GALNT10: variants seen among roughly 807,000 people sequenced by gnomAD.
GALNT10 encodes the protein GalNAc transferase 10.
In GALNT10, 41 loss-of-function variants were observed where a neutral mutation model predicts 75.0. The ratio of observed to expected loss-of-function variants is 0.55; its 90% CI spans 0.43 to 0.71. The LOEUF (loss-of-function observed/expected upper bound fraction) is 0.71, where lower values mean the gene tolerates loss of function less well. GALNT10 is among the 30% of genes least tolerant of loss of function. The pLI is 0.00. For missense variants in GALNT10, 727 were observed against 818.5 expected, an observed-to-expected ratio of 0.89 and a Z score of 1.36; for synonymous variants, 302 against 313.0, an observed-to-expected ratio of 0.96 and a Z score of 0.37.
rs150401426 is a variant in GALNT10 at position 154,394,970 on chromosome 5, A to T, written c.1056+8540A>T. Among the ~76,000 whole-genome samples the T allele has an allele frequency of 3.0e-3, 449 of 151,984 alleles. 2 individuals carry two copies. Among genetic ancestry groups the T allele is most frequent in the African/African-American group, 0.01 (427 of 41,414 alleles). ...AAACAGGGAAGGCATTCTGCTCATG[A>T]CTCTCGGCAAGTCATTTGAAATTCC... On this transcript the variant is annotated intron_variant, in intron 7 of 11. Coordinates refer to ENST00000297107, the MANE Select transcript of GALNT10 (RefSeq NM_198321.4).
At chr5:154,408,741 C>G (rs1756334247) in intron 8 of GALNT10, among the ~76,000 whole-genome samples, 1 of 152,064 alleles carries the variant, frequency 6.6e-6, no homozygotes, top group African/African-American at 2.4e-5. Flanking sequence ...TGGAATTACA[C>G]CTTTTGGTTT....
At chr5:154,213,703 C>T (rs1298852689) in intron 1 of GALNT10, among the ~76,000 whole-genome samples, 2 of 152,128 alleles carry the variant, frequency 1.3e-5, no homozygotes, top group South Asian at 2.1e-4. Context: ...TGCTTCAACA[C>T]CCCCGGTTGC....
intron 3 of GALNT10, among the ~76,000 whole-genome samples, chr5:154,299,592 A>G (rs1432199510): frequency 6.6e-6 from 1 of 152,208 alleles, no homozygotes; most frequent in Non-Finnish European, 1.5e-5. Context: ...TCTTGGTAAC[A>G]TGTTTGGCAG....
In GALNT10 at chr5:154,329,677, C is replaced by G. The variant is rs773224859; in HGVS notation, c.507C>G (p.Leu169=). 2.5e-6 allele frequency: 4 copies of G among 1,613,508 alleles called. No homozygotes were observed. The highest frequency in any genetic ancestry group is 3.4e-6 in the Non-Finnish European group (4 of 1,179,434). ...TCCTCCGCACCGTCCACAGTGTGCT[C>G]AATCGCTCGCCTCCAGAGCTGGTCG... The part of the protein sequence containing the change: ...SSLLRTVHSV[L]NRSPPELVAE... The change falls in exon 4 of 12, where the codon CTC becomes CTG. Residue 169 remains leucine (L), a synonymous_variant. Coordinates refer to ENST00000297107, the MANE Select transcript of GALNT10 (RefSeq NM_198321.4).
intron 4 of GALNT10, among the ~76,000 whole-genome samples, chr5:154,367,807 G>A (rs1755499216): frequency 6.6e-6 from 1 of 150,562 alleles, no homozygotes; most frequent in Non-Finnish European, 1.5e-5. Flanking sequence ...GCAGTGAGCC[G>A]AGATCGCGCC....
At chr5:154,384,534 T>A (rs1211501907) in intron 6 of GALNT10, among the ~76,000 whole-genome samples, 1 of 152,208 alleles carries the variant, frequency 6.6e-6, no homozygotes, top group Non-Finnish European at 1.5e-5. Flanking sequence ...ACATGTCAGT[T>A]CATACCAGTC....
At chr5:154,215,601 C>G (rs1371380782) in intron 1 of GALNT10, among the ~76,000 whole-genome samples, 1 of 152,212 alleles carries the variant, frequency 6.6e-6, no homozygotes, top group African/African-American at 2.4e-5. Context: ...TTATCCCTGC[C>G]TTTTAGTTCT....
At chr5:154,279,691 C>T (rs1754009243) in intron 1 of GALNT10, among the ~76,000 whole-genome samples, 3 of 152,082 alleles carry the variant, frequency 2.0e-5, no homozygotes, top group Admixed American at 2.0e-4. Context: ...AGCAATCCTC[C>T]CATCTCATCC....
intron 4 of GALNT10, among the ~76,000 whole-genome samples, chr5:154,368,509 C>T (rs1755513349): frequency 6.6e-6 from 1 of 152,180 alleles, no homozygotes; most frequent in African/African-American, 2.4e-5. Context: ...GCTTTCCAAG[C>T]TGCTCATCAA....
intron 1 of GALNT10, among the ~76,000 whole-genome samples, chr5:154,290,570 A>G (rs900349487): frequency 6.6e-6 from 1 of 152,198 alleles, no homozygotes; most frequent in Non-Finnish European, 1.5e-5. Flanking sequence ...TAAAGGAGTC[A>G]GTGTCCTCAA....
intron 1 of GALNT10, among the ~76,000 whole-genome samples, chr5:154,195,150 C>G (rs775416663): frequency 1.3e-5 from 2 of 152,208 alleles, no homozygotes; most frequent in Non-Finnish European, 2.9e-5. Context: ...CTAATTGTAC[C>G]TTGTCCACAG....
intron 4 of GALNT10, among the ~76,000 whole-genome samples, chr5:154,354,199 G>T (rs1025249055): frequency 2.6e-5 from 4 of 152,198 alleles, no homozygotes; most frequent in African/African-American, 9.7e-5. Context: ...TAGATCAAAT[G>T]TATGGTTATT....
At chr5:154,313,709 G>A (rs1478788736) in intron 3 of GALNT10, among the ~76,000 whole-genome samples, 2 of 152,202 alleles carry the variant, frequency 1.3e-5, no homozygotes, top group Admixed American at 6.5e-5. Flanking sequence ...TAAAGAGAAA[G>A]CTCATGTCTG....
chr5:154,350,714 A>G (rs1355348626), intron 4 of GALNT10, among the ~76,000 whole-genome samples: 1 of 152,188 alleles, frequency 6.6e-6, no homozygotes, highest in African/African-American at 2.4e-5. Context: ...AGAGCTGGGA[A>G]GAGATGTTCA....
intron 9 of GALNT10, among the ~76,000 whole-genome samples, chr5:154,411,301 G>A (rs1463808237): frequency 6.6e-6 from 1 of 152,196 alleles, no homozygotes; most frequent in Non-Finnish European, 1.5e-5. Flanking sequence ...CATGCTGAAG[G>A]TATCAAAATG....
chr5:154,348,501 G>A (rs904028849), intron 4 of GALNT10, among the ~76,000 whole-genome samples: 1 of 152,200 alleles, frequency 6.6e-6, no homozygotes, highest in African/African-American at 2.4e-5. Context: ...AAATATCTTT[G>A]TGTAGAGGGG....
chr5:154,309,743 A>G (rs115145676), intron 3 of GALNT10, among the ~76,000 whole-genome samples: 2,226 of 152,288 alleles, frequency 0.015, 55 homozygotes, highest in African/African-American at 0.051. Flanking sequence ...GGGAAGAGCA[A>G]TTTTGGGGAA....
At chr5:154,270,991 CAAAAAAAAAAAAA>C (rs5872366) in intron 1 of GALNT10, among the ~76,000 whole-genome samples, 1 of 76,122 alleles carries the variant, frequency 1.3e-5, no homozygotes. Flanking sequence ...GATTCCATCT[CAAAAAAAAAAAAA>C]AAAAAAAAGG....
intron 7 of GALNT10, among the ~76,000 whole-genome samples, chr5:154,399,404 G>A (rs149808273): frequency 1.3e-5 from 2 of 152,292 alleles, no homozygotes; most frequent in Non-Finnish European, 2.9e-5. Flanking sequence ...AGGGAGGTGA[G>A]CAAGCCAGGA....
Sources: allele counts gnomAD v4.1 joint callset (sites outside exome capture counted in the v4.1 genomes callset), GRCh38; gene constraint gnomAD v4.1.1; transcripts MANE v1.5; gene names NCBI Gene and HGNC (gene_info 2026-07-23, HGNC 2026-07-21).